PHF21A: variants seen among roughly 807,000 people sequenced by gnomAD.
The protein encoded by PHF21A is BHC80a.
PHF21A carries 11 observed loss-of-function variants against 82.5 expected under a neutral mutation model. The observed-to-expected ratio is 0.13, with a 90% CI of 0.08 to 0.22. The LOEUF (loss-of-function observed/expected upper bound fraction) is 0.22. Ranked by LOEUF, PHF21A falls within the 10% of genes least tolerant of loss-of-function variation. PHF21A has a pLI of 1.00. For missense variants in PHF21A, 579 were observed against 837.8 expected, an observed-to-expected ratio of 0.69 and a Z score of 3.81; for synonymous variants, 297 against 302.8, an observed-to-expected ratio of 0.98 and a Z score of 0.20.
At chr11:46,060,348 G>A (rs1461794427) in intron 6 of PHF21A, among the ~76,000 whole-genome samples, 1 of 151,986 alleles carries the variant, frequency 6.6e-6, no homozygotes, top group Non-Finnish European at 1.5e-5. Flanking sequence ...AAGAAATGAT[G>A]GACTTCAACT....
intron 11 of PHF21A, among the ~76,000 whole-genome samples, chr11:45,951,377 A>T (rs1012039699): frequency 1.3e-5 from 2 of 152,362 alleles, no homozygotes; most frequent in South Asian, 2.1e-4. Flanking sequence ...TCAGCAAGCC[A>T]CTTGAGAACA....
intron 9 of PHF21A, among the ~76,000 whole-genome samples, chr11:45,966,465 T>C (rs1039563686): frequency 9.9e-5 from 15 of 152,202 alleles, no homozygotes; most frequent in African/African-American, 2.2e-4. Context: ...TCCTAGCTTA[T>C]GTTTGGCTCA....
At chr11:45,999,427 C>T (rs969069711) in intron 6 of PHF21A, among the ~76,000 whole-genome samples, 11 of 152,286 alleles carry the variant, frequency 7.2e-5, no homozygotes, top group African/African-American at 2.4e-4. Flanking sequence ...AATATGTACC[C>T]AGTGAAATAG....
At chr11:46,115,643 A>G (rs2097280072) in intron 1 of PHF21A, among the ~76,000 whole-genome samples, 1 of 152,226 alleles carries the variant, frequency 6.6e-6, no homozygotes, top group Non-Finnish European at 1.5e-5. Flanking sequence ...AGAAGTCAAC[A>G]TAAATCATTA....
intron 6 of PHF21A, among the ~76,000 whole-genome samples, chr11:46,016,248 G>C (rs968599366): frequency 2.0e-5 from 3 of 152,170 alleles, no homozygotes; most frequent in African/African-American, 7.2e-5. Context: ...CCTTTTGCTA[G>C]TAGAACAATC....
At position 45,934,034 on chromosome 11, in the gene PHF21A, C is replaced by T. The variant is rs144966693; in HGVS notation, c.1980G>A (p.Thr660=). ...TCTGGGAGGAGGGGGAAGGGGCCGG[C>T]GTGGAGGTGGCGGCATTGGCAGGGG... is the stretch of plus-strand genomic sequence containing the variant. ...CTPPANAATS[T]PAPSPSSQSC... The change falls in exon 19 of 19, where the codon ACG becomes ACA. Residue 660 remains threonine, a synonymous_variant. Coordinates refer to ENST00000676320, the MANE Select transcript of PHF21A (RefSeq NM_001352027.3). 906 of 1,612,408 alleles carry T rather than the reference C, an allele frequency of 5.6e-4. 2 individuals carry two copies. Among genetic ancestry groups the T allele is most frequent in the South Asian group, 9.0e-4 (82 of 90,862 alleles).
At chr11:46,108,883 C>A (rs1046675435) in intron 1 of PHF21A, among the ~76,000 whole-genome samples, 5 of 152,124 alleles carry the variant, frequency 3.3e-5, no homozygotes, top group Admixed American at 1.3e-4. Context: ...AGCTATTAGA[C>A]CCCACCCCAT....
chr11:46,017,266 C>T (rs954047854), intron 6 of PHF21A, among the ~76,000 whole-genome samples: 3 of 152,198 alleles, frequency 2.0e-5, no homozygotes, highest in Non-Finnish European at 2.9e-5. Context: ...CCACCACGCC[C>T]GGCCTACATC....
intron 6 of PHF21A, among the ~76,000 whole-genome samples, chr11:46,021,067 A>T (rs1289741437): frequency 1.3e-5 from 2 of 148,552 alleles, no homozygotes; most frequent in African/African-American, 5.1e-5. Context: ...TCTTTAAAAA[A>T]AAAAAAAAGA....
At chr11:45,949,557 T>A in intron 12 of PHF21A, 76 bp from the exon 13 acceptor site, 2 of 1,191,268 alleles carry the variant, frequency 1.7e-6, no homozygotes, top group Non-Finnish European at 2.5e-6. Flanking sequence ...GTTTTATCTA[T>A]TGGTTTTCCC....
At position 45,965,321 on chromosome 11, in the gene PHF21A, T is replaced by C. The variant is rs749838628; in HGVS notation, c.990A>G (p.Glu330=). The C allele has an allele frequency of 1.2e-6, 2 of 1,613,890 alleles. No homozygotes were observed. The highest frequency in any genetic ancestry group is 1.6e-4 in the Middle Eastern group (1 of 6,062). Residue 330 remains glutamate, a synonymous_variant, in exon 10 of 19, where the codon GAA becomes GAG. Transcript: ENST00000676320. ...GTACATACTCTGCCTGTACCTGTTT[T>C]TCAAGACTTGGCTTGCTAAGCTGTA... is the stretch of plus-strand genomic sequence containing the variant. ...QTVQLSKPSL[E]KQTVKSHTET... is the part of the protein sequence containing the mutation.
At chr11:46,043,632 TA>T (rs35843112) in intron 6 of PHF21A, among the ~76,000 whole-genome samples, 78,344 of 149,404 alleles carry the variant, frequency 0.52, 23,631 homozygotes, top group Non-Finnish European at 0.69. Flanking sequence ...AAAGGGCCAT[TA>T]AAAAAAAAAA....
intron 10 of PHF21A, among the ~76,000 whole-genome samples, chr11:45,955,788 G>A (rs2945997): frequency 0.5 from 75,575 of 152,128 alleles, 22,197 homozygotes; most frequent in Non-Finnish European, 0.66. Flanking sequence ...CAGCTGCCAC[G>A]TTGTGAGCAG....
intron 6 of PHF21A, among the ~76,000 whole-genome samples, chr11:46,067,054 A>G (rs2096602564): frequency 6.6e-6 from 1 of 152,202 alleles, no homozygotes; most frequent in African/African-American, 2.4e-5. Flanking sequence ...ATGCATATAT[A>G]GCTAATGTAT....
intron 10 of PHF21A, among the ~76,000 whole-genome samples, chr11:45,954,007 T>C (rs979698938): frequency 6.6e-6 from 1 of 152,210 alleles, no homozygotes; most frequent in Non-Finnish European, 1.5e-5. Context: ...GTTGTTGTTG[T>C]TGTTTTGAGA....
intron 14 of PHF21A, 51 bp from the exon 15 acceptor site, chr11:45,946,054 G>T: frequency 6.2e-7 from 1 of 1,613,648 alleles, no homozygotes; most frequent in Non-Finnish European, 8.5e-7. Context: ...GGGAAAGAGA[G>T]GGGGAAAATG....
intron 6 of PHF21A, among the ~76,000 whole-genome samples, chr11:45,984,366 TA>T (rs1324100176): frequency 6.6e-6 from 1 of 152,178 alleles, no homozygotes; most frequent in African/African-American, 2.4e-5. Flanking sequence ...CAAGGAGCCT[TA>T]GATTCCCTTG....
At chr11:45,944,590 C>T (rs958460321) in intron 15 of PHF21A, among the ~76,000 whole-genome samples, 3 of 152,206 alleles carry the variant, frequency 2.0e-5, no homozygotes, top group Non-Finnish European at 2.9e-5. Context: ...GCTCTGCCCC[C>T]GCTATCCTGG....
chr11:45,963,859 T>C (rs992699642), intron 10 of PHF21A, among the ~76,000 whole-genome samples: 3 of 152,160 alleles, frequency 2.0e-5, no homozygotes, highest in Non-Finnish European at 2.9e-5. Flanking sequence ...ACCAAAGTTC[T>C]GCTGTCAATA....
Sources: allele counts gnomAD v4.1 joint callset (sites outside exome capture counted in the v4.1 genomes callset), GRCh38; gene constraint gnomAD v4.1.1; transcripts MANE v1.5; gene names NCBI Gene and HGNC (gene_info 2026-07-23, HGNC 2026-07-21).